Variants in TLL2 observed in about 807,000 individuals in gnomAD.
TLL2 encodes tolloid like 2.
TLL2 carries 106 observed loss-of-function variants against 123.0 expected under a neutral mutation model. The observed-to-expected ratio is 0.86, with a 90% confidence interval of 0.74 to 1.01. TLL2 has a LOEUF of 1.01. Among genes scored for constraint, TLL2 ranks in the 50% least tolerant of loss-of-function variants. The pLI, the probability that TLL2 is intolerant of heterozygous loss-of-function variation, is 0.00. For synonymous variants in TLL2, 494 were observed against 516.8 expected, an observed-to-expected ratio of 0.96 and a Z score of 0.60; for missense variants, 1,332 against 1,336.7, an observed-to-expected ratio of 1.00 and a Z score of 0.06.
chr10:96,510,979 G>C (rs1452798309), intron 1 of TLL2, among the ~76,000 whole-genome samples: 1 of 152,180 alleles, frequency 6.6e-6, no homozygotes, highest in African/African-American at 2.4e-5. Context: ...CCAGAGAGGA[G>C]GGGAGTCGTC....
At chr10:96,375,205 C>T (rs932173907) in intron 18 of TLL2, 3 of 152,336 alleles carry the variant, frequency 2.0e-5, no homozygotes, top group Non-Finnish European at 4.4e-5. Context: ...GGAAGGGAGC[C>T]TTAGGCTCAG....
chr10:96,500,103 T>TAAAAAAA (rs58735775), intron 1 of TLL2, among the ~76,000 whole-genome samples: 5 of 75,384 alleles, frequency 6.6e-5, no homozygotes, highest in Admixed American at 1.6e-4. Flanking sequence ...CAACATGATT[T>TAAAAAAA]AAAAAAAAAA....
chr10:96,410,229 A>G (rs1485180939), intron 9 of TLL2, 130 bp downstream of exon 9: 1 of 661,110 alleles, frequency 1.5e-6, no homozygotes, highest in Middle Eastern at 4.2e-4. Flanking sequence ...AGCAAACAGC[A>G]CCATGCCTGG....
At chr10:96,447,467 C>A (rs886295126) in intron 2 of TLL2, among the ~76,000 whole-genome samples, 2 of 152,126 alleles carry the variant, frequency 1.3e-5, no homozygotes, top group Non-Finnish European at 2.9e-5. Context: ...GTGGACCAGA[C>A]ACTGCAGTGG....
At chr10:96,384,455 C>T in intron 16 of TLL2, 132 bp downstream of exon 16, 1 of 948,686 alleles carries the variant, frequency 1.1e-6, no homozygotes, top group Non-Finnish European at 1.5e-6. Flanking sequence ...CACGCCCCCT[C>T]CAAGGCAGCC....
intron 4 of TLL2, 38 bp downstream of exon 4, chr10:96,432,769 A>G: frequency 6.3e-7 from 1 of 1,599,718 alleles, no homozygotes. Flanking sequence ...GAGACAAAGC[A>G]CCCTGACCCA....
intron 9 of TLL2, among the ~76,000 whole-genome samples, chr10:96,407,076 C>G (rs763904493): frequency 5.9e-4 from 90 of 152,054 alleles, no homozygotes; most frequent in Admixed American, 1.0e-3. Context: ...GTTTACCAGA[C>G]CCCTCCCAAT....
At position 96,365,106 on chromosome 10, in the gene TLL2, GA is replaced by G. The variant is rs879457941; in HGVS notation, c.*2981del. 0.011 allele frequency: 1,536 copies of G among 145,190 alleles called. 19 individuals are homozygous for G. Among genetic ancestry groups the G allele is most frequent in the African/African-American group, 0.034 (1,373 of 39,826 alleles). 9.0% of individuals were successfully genotyped at this position (145,190 alleles called of 1,614,324 possible). A position where few individuals can be genotyped will look rare whatever the true frequency, so the allele number is the denominator to read the frequency against. On this transcript the variant is annotated 3_prime_UTR_variant, in exon 21 of 21. Coordinates refer to ENST00000357947, the MANE Select transcript of TLL2 (RefSeq NM_012465.4). ...AAAATACACTAACGATAGCTGACGA[GA>G]AAAAAAAAAATCACAGAAAGAATCT...
At chr10:96,430,002 G>T (rs1846721249) in intron 4 of TLL2, among the ~76,000 whole-genome samples, 1 of 152,238 alleles carries the variant, frequency 6.6e-6, no homozygotes, top group Admixed American at 6.5e-5. Context: ...TGGGAAGTAT[G>T]AAGGATGGTG....
intron 15 of TLL2, 43 bp downstream of exon 15, chr10:96,386,011 AC>A: frequency 2.7e-6 from 4 of 1,457,300 alleles, no homozygotes; most frequent in South Asian, 1.6e-5. Flanking sequence ...GCTCTGAGTC[AC>A]CCCTCAATAC....
chr10:96,513,295 G>GC (rs199820582), intron 1 of TLL2, among the ~76,000 whole-genome samples: 3 of 152,100 alleles, frequency 2.0e-5, no homozygotes, highest in African/African-American at 7.2e-5. Flanking sequence ...GCCAGCTGTC[G>GC]CCCCCCGGTG....
intron 8 of TLL2, among the ~76,000 whole-genome samples, chr10:96,411,008 A>G (rs1846499239): frequency 6.6e-6 from 1 of 152,108 alleles, no homozygotes; most frequent in Non-Finnish European, 1.5e-5. Flanking sequence ...TTGGGAGGCC[A>G]AGGCGGGTGG....
In TLL2 at chr10:96,367,019, A is replaced by G. The variant is rs1426408634; in HGVS notation, c.*1069T>C. 6.6e-6 allele frequency: 1 copy of G among 152,508 alleles called. No individual in the cohort carries two copies. Among genetic ancestry groups the G allele is most frequent in the African/African-American group, 2.4e-5 (1 of 41,460 alleles). The allele number at this position is 152,508 out of a possible 1,614,324, so 9.4% of individuals were successfully genotyped here. On this transcript the variant is annotated 3_prime_UTR_variant, in exon 21 of 21. Coordinates refer to ENST00000357947, the MANE Select transcript of TLL2 (RefSeq NM_012465.4). ...CTAGTTAATCAGAGCAAAGTTACCA[A>G]CGCACTCTTTAACCTGATTGGCTAC...
intron 2 of TLL2, among the ~76,000 whole-genome samples, chr10:96,461,466 G>A (rs1254102542): frequency 6.6e-6 from 1 of 152,152 alleles, no homozygotes; most frequent in Non-Finnish European, 1.5e-5. Flanking sequence ...CAAGGCCTCA[G>A]CCCAAGCTCT....
chr10:96,389,087 G>C (rs1265370869), intron 13 of TLL2, among the ~76,000 whole-genome samples: 2 of 152,154 alleles, frequency 1.3e-5, no homozygotes, highest in African/African-American at 2.4e-5. Flanking sequence ...AAAAAGCATA[G>C]AAAGAAGAAA....
intron 2 of TLL2, among the ~76,000 whole-genome samples, chr10:96,465,027 A>G (rs546119875): frequency 2.6e-5 from 4 of 152,368 alleles, no homozygotes; most frequent in African/African-American, 9.6e-5. Flanking sequence ...CAGACTCATT[A>G]GGTCATAGAA....
intron 1 of TLL2, among the ~76,000 whole-genome samples, chr10:96,500,394 T>C (rs1357170559): frequency 6.6e-6 from 1 of 152,208 alleles, no homozygotes; most frequent in Non-Finnish European, 1.5e-5. Context: ...CCTAAACGCA[T>C]TGGTACTTTT....
chr10:96,462,196 C>T (rs1453772401), intron 2 of TLL2, among the ~76,000 whole-genome samples: 1 of 152,180 alleles, frequency 6.6e-6, no homozygotes, highest in African/African-American at 2.4e-5. Flanking sequence ...AAGTCCTTGG[C>T]CTGTGGTCAC....
intron 3 of TLL2, among the ~76,000 whole-genome samples, chr10:96,436,716 G>T (rs1293099544): frequency 1.3e-5 from 2 of 149,790 alleles, no homozygotes; most frequent in Non-Finnish European, 3.0e-5. Context: ...GTCAGGGTCT[G>T]GCTCTGTCAC....
Sources: allele counts gnomAD v4.1 joint callset (sites outside exome capture counted in the v4.1 genomes callset), GRCh38; gene constraint gnomAD v4.1.1; transcripts MANE v1.5; gene names NCBI Gene and HGNC (gene_info 2026-07-23, HGNC 2026-07-21).